TMCO6: variants seen among roughly 807,000 people sequenced by gnomAD.
TMCO6 encodes the protein transmembrane and coiled-coil domain-containing protein 6.
TMCO6 carries 47 observed loss-of-function variants against 61.8 expected under a neutral mutation model. The observed-to-expected ratio is 0.76, with a 90% CI of 0.60 to 0.97. The LOEUF is 0.97. TMCO6 is among the 50% of genes least tolerant of loss of function. TMCO6 has a pLI of 0.00. For synonymous variants in TMCO6, 261 were observed against 254.2 expected (o/e 1.03, Z -0.25); for missense variants, 557 against 601.6 (o/e 0.93, Z 0.78).
chr5:140,647,367 G>T (rs763129842), downstream of TMCO6: 4 of 1,610,696 alleles, frequency 2.5e-6, no homozygotes, highest in Non-Finnish European at 3.4e-6. Context: ...AAGTCCCTGC[G>T]GGGCCGGAGA....
chr5:140,631,603 G>A, the TMCO6 span: 2 of 390,806 alleles, frequency 5.1e-6, no homozygotes, highest in East Asian at 7.6e-5. Flanking sequence ...CTTTTCTTGA[G>A]GAGGACAGAT....
chr5:140,609,137 T>C, the TMCO6 span: 1 of 152,604 alleles, frequency 6.6e-6, no homozygotes. Context: ...CAGGTAATGA[T>C]GGGGTAAGGA....
the TMCO6 span, among the ~76,000 whole-genome samples, chr5:140,628,879 C>T: frequency 6.6e-6 from 1 of 152,152 alleles, no homozygotes; most frequent in Non-Finnish European, 1.5e-5. Flanking sequence ...CAGACAGCTC[C>T]TAAGTTACTA....
chr5:140,616,599 ACT>A, the TMCO6 span, among the ~76,000 whole-genome samples: 6 of 152,060 alleles, frequency 3.9e-5, no homozygotes, highest in Non-Finnish European at 8.8e-5. Context: ...AATAAATAAG[ACT>A]CTGTGCATCA....
At chr5:140,633,145 G>A in the TMCO6 span, 6 of 1,585,448 alleles carry the variant, frequency 3.8e-6, no homozygotes, top group Non-Finnish European at 5.2e-6. Flanking sequence ...CTACACAGCG[G>A]CACCCGCCGG....
At chr5:140,645,566 T>C (rs756214934), downstream of TMCO6, 3 of 1,614,030 alleles carry the variant, frequency 1.9e-6, no homozygotes, top group South Asian at 1.1e-5. Context: ...GGGCTGTTGC[T>C]CTTAATCCTC....
chr5:140,642,231 C>A (rs1757084045), intron 4 of TMCO6, 84 bp from the exon 5 acceptor site: 1 of 1,412,562 alleles, frequency 7.1e-7, no homozygotes, highest in African/African-American at 1.4e-5. Context: ...GCTCCAGCGT[C>A]CCCATCACCT....
Position 140,644,695 on chromosome 5 carries a change from CCA to C in TMCO6, c.1324_1325del (p.Gln442GlufsTer65), listed in dbSNP as rs764062145. On this transcript the variant is annotated frameshift_variant, in exon 11 of 12. Transcript: ENST00000394671. LOFTEE classifies it high-confidence loss of function. ...LAFSDTEVVG[Q>X]SLELLHLLFL... is the part of the protein sequence containing the mutation. ...CCTTTTCTGACACTGAAGTAGTAGG[CCA>C]GAGTTTGGAGCTGCTGCATCTGCTG... is the stretch of plus-strand genomic sequence containing the variant. 1 of 1,614,222 alleles carries C rather than the reference CCA, an allele frequency of 6.2e-7. No homozygotes were observed. Among genetic ancestry groups the C allele is most frequent in the South Asian group, 1.1e-5 (1 of 91,082 alleles).
chr5:140,647,684 A>G, downstream of TMCO6: 1 of 1,469,536 alleles, frequency 6.8e-7, no homozygotes, highest in Non-Finnish European at 9.3e-7. Flanking sequence ...TGCATGAGGC[A>G]GGGGCGGGGT....
downstream of TMCO6, chr5:140,647,538 G>C: frequency 6.2e-7 from 1 of 1,612,224 alleles, no homozygotes; most frequent in Non-Finnish European, 8.5e-7. Context: ...ATCTCACGCA[G>C]GCCCAGCTTT....
Position 140,643,965 on chromosome 5 carries a change from T to C in TMCO6, c.1104T>C (p.Thr368=), listed in dbSNP as rs770579926. ...PEGLWLLNNL[T]ANSPSFCTSL... ...GCCTTTGGCTCCTCAACAACCTCAC[T>C]GGTACGCACCATAATCTGCCCAGGC... is the stretch of plus-strand genomic sequence containing the variant. Residue 368 remains threonine (T), a splice_region_variant and synonymous_variant, in exon 9 of 12, where the codon ACT becomes ACC. Transcript: ENST00000394671. The C allele has an allele frequency of 1.2e-6, 2 of 1,614,044 alleles. No homozygotes were observed. The highest frequency in any genetic ancestry group is 2.7e-5 in the African/African-American group (2 of 74,938).
At chr5:140,633,311 A>G in the TMCO6 span, 1 of 616,868 alleles carries the variant, frequency 1.6e-6, no homozygotes, top group South Asian at 1.9e-5. Context: ...ATTGCAATGA[A>G]GGATGTTTCA....
chr5:140,616,343 T>TGAGTTCAA, the TMCO6 span, among the ~76,000 whole-genome samples: 1 of 151,810 alleles, frequency 6.6e-6, no homozygotes, highest in African/African-American at 2.4e-5. Flanking sequence ...GAGGATTGCT[T>TGAGTTCAA]GAGTTCAAGA....
the TMCO6 span, among the ~76,000 whole-genome samples, chr5:140,631,436 T>G: frequency 6.6e-6 from 1 of 152,078 alleles, no homozygotes; most frequent in South Asian, 2.1e-4. Context: ...GGGAAGTGCA[T>G]AGGAGAGGAA....
At position 140,644,991 on chromosome 5, in the gene TMCO6, C is replaced by G; in HGVS notation, c.1375C>G (p.Gln459Glu). The change falls in exon 12 of 12, where the codon CAG becomes GAG. Residue 459 changes from glutamine to glutamate, a missense_variant. Coordinates refer to ENST00000394671, the MANE Select transcript of TMCO6 (RefSeq NM_018502.5). ...LLFLYQPEAV[Q>E]VFLQQSGLQA... ...TTTTCTTCCCTGCCCCTAGGCTGTTCAGGTCTTCCTGCAGCAGTCAGGGCT... is the reference window on the plus strand; with the variant it reads ...TTTTCTTCCCTGCCCCTAGGCTGTTGAGGTCTTCCTGCAGCAGTCAGGGCT... The G allele has an allele frequency of 1.2e-6, 2 of 1,614,160 alleles. No homozygotes were observed. Among genetic ancestry groups the G allele is most frequent in the Admixed American group, 3.3e-5 (2 of 60,022 alleles).
At chr5:140,644,773 C>T (rs1291713635) in intron 11 of TMCO6, 33 bp downstream of exon 11, 1 of 1,611,512 alleles carries the variant, frequency 6.2e-7, no homozygotes, top group Non-Finnish European at 8.5e-7. Flanking sequence ...CTCAGTCACC[C>T]CTGTTCTGAA....
Position 140,639,538 on chromosome 5 carries a change from G to C in TMCO6, c.11G>C (p.Arg4Pro), listed in dbSNP as rs1561942621. The C allele has an allele frequency of 1.3e-6, 2 of 1,549,894 alleles. No homozygotes were observed. The highest frequency in any genetic ancestry group is 1.7e-6 in the Non-Finnish European group (2 of 1,146,600). MWS[R>P]RQGRLRPTVC... is the part of the protein sequence containing the mutation. ...TCCTCCTGCTCCACCATGTGGAGCC[G>C]ACGGCAGGGCCGCCTCAGGCCCACG... is the stretch of plus-strand genomic sequence containing the variant. Residue 4 changes from arginine (R) to proline (P), a missense_variant, in exon 1 of 12, where the codon CGA becomes CCA. By Grantham distance (103) the Arg-to-Pro change is moderately radical. Transcript: ENST00000394671.
the TMCO6 span, among the ~76,000 whole-genome samples, chr5:140,604,684 A>G: frequency 6.6e-6 from 1 of 152,014 alleles, no homozygotes; most frequent in African/African-American, 2.4e-5. Flanking sequence ...GTTTTCTTCT[A>G]ACAGTTTCAT....
the TMCO6 span, among the ~76,000 whole-genome samples, chr5:140,615,992 C>T: frequency 3.9e-5 from 6 of 152,000 alleles, no homozygotes; most frequent in South Asian, 2.1e-4. Flanking sequence ...ATTAACCAGG[C>T]GTTATGGCAG....
Sources: gnomAD v4.1 joint callset for allele counts (sites outside exome capture counted in the v4.1 genomes callset) on GRCh38, gnomAD v4.1.1 for gene constraint, MANE v1.5 for transcripts, NCBI Gene and HGNC (gene_info 2026-07-23, HGNC 2026-07-21) for gene names.